Variants in HS6ST3 observed in about 807,000 individuals in gnomAD.
HS6ST3 encodes heparan sulfate 6-O-sulfotransferase 3, also known as heparan-sulfate 6-O-sulfotransferase 3.
Under a neutral mutation model 36.7 loss-of-function variants are expected in HS6ST3, and 12 were observed. The observed-to-expected ratio is 0.33, with a 90% CI of 0.21 to 0.53. The LOEUF (loss-of-function observed/expected upper bound fraction) is 0.53, where lower values mean the gene tolerates loss of function less well. Among genes scored for constraint, HS6ST3 ranks in the 20% least tolerant of loss-of-function variants. The probability of loss-of-function intolerance (pLI) is 0.95; values close to 1 mark genes in which losing one functional copy is unlikely to be tolerated. For missense variants in HS6ST3, 584 were observed against 640.9 expected (o/e 0.91, Z 0.96); for synonymous variants, 240 against 257.5 (o/e 0.93, Z 0.65).
intron 1 of HS6ST3, among the ~76,000 whole-genome samples, chr13:96,417,650 A>C (rs1034951131): frequency 2.0e-5 from 3 of 149,014 alleles, no homozygotes; most frequent in African/African-American, 7.4e-5. Flanking sequence ...AGATATATAC[A>C]TGTATATATG....
intron 1 of HS6ST3, among the ~76,000 whole-genome samples, chr13:96,144,694 GGTTT>G (rs1036477429): frequency 3.3e-5 from 5 of 151,114 alleles, no homozygotes; most frequent in African/African-American, 1.2e-4. Flanking sequence ...ACAACCTGCA[GGTTT>G]GTTACATATG....
intron 1 of HS6ST3, among the ~76,000 whole-genome samples, chr13:96,332,522 G>A (rs952670051): frequency 6.6e-6 from 1 of 152,174 alleles, no homozygotes; most frequent in Non-Finnish European, 1.5e-5. Flanking sequence ...TGTAGTCTGT[G>A]TGGCACCATT....
At chr13:96,492,175 T>G (rs1447298485) in intron 1 of HS6ST3, among the ~76,000 whole-genome samples, 2 of 152,224 alleles carry the variant, frequency 1.3e-5, no homozygotes, top group Non-Finnish European at 2.9e-5. Context: ...GATGCTGCCA[T>G]TTTATTGGTT....
chr13:96,365,681 A>G (rs981129330), intron 1 of HS6ST3, among the ~76,000 whole-genome samples: 2 of 152,192 alleles, frequency 1.3e-5, no homozygotes, highest in Non-Finnish European at 2.9e-5. Context: ...TAACATTGTT[A>G]TTTGTGACTA....
chr13:96,136,131 G>A (rs2054000511), intron 1 of HS6ST3, among the ~76,000 whole-genome samples: 2 of 152,088 alleles, frequency 1.3e-5, no homozygotes, highest in African/African-American at 4.8e-5. Flanking sequence ...CAATACACAG[G>A]TTTGTTTACC....
chr13:96,457,954 G>T (rs1372741240), intron 1 of HS6ST3, among the ~76,000 whole-genome samples: 1 of 151,340 alleles, frequency 6.6e-6, no homozygotes, highest in East Asian at 1.9e-4. Flanking sequence ...TACTGGGTTC[G>T]GTAGCTAGTG....
chr13:96,379,509 A>G (rs894270605), intron 1 of HS6ST3, among the ~76,000 whole-genome samples: 3 of 152,234 alleles, frequency 2.0e-5, no homozygotes, highest in African/African-American at 7.2e-5. Context: ...GCTGTGAGAA[A>G]TAAATTTCTA....
chr13:96,520,252 C>CTACAAGCCT, intron 1 of HS6ST3, among the ~76,000 whole-genome samples: 1 of 152,316 alleles, frequency 6.6e-6, no homozygotes, highest in South Asian at 2.1e-4. Flanking sequence ...GTTTTGGTTA[C>CTACAAGCCT]TGTAGCCTTG....
intron 1 of HS6ST3, among the ~76,000 whole-genome samples, chr13:96,507,018 G>A (rs755961895): frequency 6.6e-6 from 1 of 152,152 alleles, no homozygotes; most frequent in Admixed American, 6.6e-5. Flanking sequence ...CTGTCAGTCT[G>A]TTGACAATGA....
chr13:96,439,964 AGTATGGT>A (rs1178538250), intron 1 of HS6ST3, among the ~76,000 whole-genome samples: 2 of 152,234 alleles, frequency 1.3e-5, no homozygotes, highest in Non-Finnish European at 2.9e-5. Context: ...CTCTCTTCTA[AGTATGGT>A]GAATTGGCAC....
intron 1 of HS6ST3, among the ~76,000 whole-genome samples, chr13:96,144,796 C>T (rs75319705): frequency 9.5e-6 from 1 of 105,010 alleles, no homozygotes; most frequent in Non-Finnish European, 1.9e-5. Context: ...CCCCCTCCCC[C>T]CTCCCCCCAC....
chr13:96,321,721 A>G (rs2055003864), intron 1 of HS6ST3, among the ~76,000 whole-genome samples: 1 of 151,892 alleles, frequency 6.6e-6, no homozygotes, highest in South Asian at 2.1e-4. Context: ...CTGTCACTTC[A>G]TTGGACTTTC....
intron 1 of HS6ST3, among the ~76,000 whole-genome samples, chr13:96,675,477 GA>G (rs1473877970): frequency 6.6e-6 from 1 of 151,982 alleles, no homozygotes; most frequent in Non-Finnish European, 1.5e-5. Flanking sequence ...TCAGAAGAAA[GA>G]GCATTTGGGT....
At position 96,422,888 on chromosome 13, in the gene HS6ST3, A is replaced by T. The variant is rs371790266; in HGVS notation, c.707+331319A>T. 3.3e-5 allele frequency among the ~76,000 whole-genome samples: 5 copies of T among 152,240 alleles called. No homozygotes were observed. The East Asian group carries it at 9.6e-4, about 29-fold the overall frequency. On this transcript the variant is annotated intron_variant, in intron 1 of 1. Coordinates refer to ENST00000376705, the MANE Select transcript of HS6ST3 (RefSeq NM_153456.4). ...TTTTGACTTGCTTTCTTAAGCATCAAGTCCTACCACTTAGCTTATGTAATA... is the reference window on the plus strand; with the variant it reads ...TTTTGACTTGCTTTCTTAAGCATCATGTCCTACCACTTAGCTTATGTAATA...
At chr13:96,155,790 A>G (rs2054107566) in intron 1 of HS6ST3, among the ~76,000 whole-genome samples, 1 of 152,194 alleles carries the variant, frequency 6.6e-6, no homozygotes, top group South Asian at 2.1e-4. Flanking sequence ...TTAATTTTCC[A>G]AAGATGTTTC....
At chr13:96,136,682 C>CATATATATATATATAT (rs56247662) in intron 1 of HS6ST3, among the ~76,000 whole-genome samples, 77 of 130,490 alleles carry the variant, frequency 5.9e-4, no homozygotes, top group Non-Finnish European at 7.0e-4. Context: ...TGTTATGAAA[C>CATATATATATATATAT]ATATATATAT....
chr13:96,562,711 G>A (rs2056266808), intron 1 of HS6ST3, among the ~76,000 whole-genome samples: 1 of 152,076 alleles, frequency 6.6e-6, no homozygotes, highest in African/African-American at 2.4e-5. Context: ...TAGCAACTGA[G>A]TTCCTGTAAA....
chr13:96,209,359 T>G (rs1343854848), intron 1 of HS6ST3, among the ~76,000 whole-genome samples: 1 of 152,184 alleles, frequency 6.6e-6, no homozygotes, highest in Non-Finnish European at 1.5e-5. Flanking sequence ...ATGGAGTGAA[T>G]GCTATACAAG....
intron 1 of HS6ST3, among the ~76,000 whole-genome samples, chr13:96,398,826 G>A (rs1410264): frequency 0.34 from 52,420 of 152,110 alleles, 9,672 homozygotes; most frequent in Non-Finnish European, 0.4. Flanking sequence ...TGTCTTAGCA[G>A]TTGCTGGCCC....
Sources: allele counts gnomAD v4.1 joint callset (sites outside exome capture counted in the v4.1 genomes callset), GRCh38; gene constraint gnomAD v4.1.1; transcripts MANE v1.5; gene names NCBI Gene and HGNC (gene_info 2026-07-23, HGNC 2026-07-21).